ERBB4: variants seen among roughly 807,000 people sequenced by gnomAD.
ERBB4 encodes the protein receptor tyrosine-protein kinase erbB-4.
A neutral mutation model predicts 158.0 loss-of-function variants in ERBB4; 42 were observed. The observed-to-expected ratio is 0.27, with a 90% CI of 0.21 to 0.34. The LOEUF (loss-of-function observed/expected upper bound fraction) is 0.34. Ranked by LOEUF, ERBB4 falls within the 10% of genes least tolerant of loss-of-function variation. The probability of loss-of-function intolerance (pLI) is 1.00; values close to 1 mark genes in which losing one functional copy is unlikely to be tolerated. For synonymous variants in ERBB4, 583 were observed against 558.7 expected (o/e 1.04, Z -0.61); for missense variants, 1,333 against 1,624.1 (o/e 0.82, Z 3.08).
At chr2:211,798,756 G>A (rs2076436294) in intron 3 of ERBB4, among the ~76,000 whole-genome samples, 1 of 152,050 alleles carries the variant, frequency 6.6e-6, no homozygotes, top group South Asian at 2.1e-4. Flanking sequence ...AACAATTTTA[G>A]AGATAGATAT....
At chr2:211,655,729 A>G (rs1366392018) in intron 16 of ERBB4, among the ~76,000 whole-genome samples, 3 of 152,160 alleles carry the variant, frequency 2.0e-5, no homozygotes, top group African/African-American at 7.2e-5. Context: ...ACAATCTAAG[A>G]TGAACCCTGG....
intron 1 of ERBB4, among the ~76,000 whole-genome samples, chr2:212,225,087 G>T (rs983390731): frequency 2.6e-5 from 4 of 151,738 alleles, no homozygotes; most frequent in Non-Finnish European, 5.9e-5. Flanking sequence ...GTTTCTTTTA[G>T]AAGTTATATG....
intron 16 of ERBB4, among the ~76,000 whole-genome samples, chr2:211,644,129 G>A (rs1042965659): frequency 7.2e-5 from 11 of 151,920 alleles, no homozygotes; most frequent in South Asian, 2.1e-4. Context: ...GGGACTTGGC[G>A]AAAAGACAAA....
chr2:211,436,757 A>G (rs572525255), intron 20 of ERBB4, among the ~76,000 whole-genome samples: 2 of 152,334 alleles, frequency 1.3e-5, no homozygotes, highest in South Asian at 4.1e-4. Context: ...ATCATGATTA[A>G]TGTGTGAATA....
intron 1 of ERBB4, among the ~76,000 whole-genome samples, chr2:212,442,089 A>G (rs1465570689): frequency 6.6e-6 from 1 of 152,220 alleles, no homozygotes; most frequent in African/African-American, 2.4e-5. Flanking sequence ...CATAATGGAC[A>G]GCAGAGACAA....
At chr2:211,559,031 T>A (rs1463618531) in intron 20 of ERBB4, among the ~76,000 whole-genome samples, 2 of 152,162 alleles carry the variant, frequency 1.3e-5, no homozygotes, top group African/African-American at 4.8e-5. Flanking sequence ...TTTCATGTTC[T>A]ATAAACTTTT....
intron 20 of ERBB4, among the ~76,000 whole-genome samples, chr2:211,550,268 T>G (rs1425401065): frequency 5.3e-5 from 8 of 152,034 alleles, no homozygotes; most frequent in Non-Finnish European, 1.0e-4. Context: ...TCTGTACATT[T>G]ATTCATCATA....
At chr2:211,978,396 G>GTCTTTCTATCTATCTATCTATCTA (rs77259627) in intron 2 of ERBB4, among the ~76,000 whole-genome samples, 1,441 of 136,634 alleles carry the variant, frequency 0.011, 4 homozygotes, top group Non-Finnish European at 0.012. Flanking sequence ...CTGTCTGTCT[G>GTCTTTCTATCTATCTATCTATCTA]TCTATCTATC....
intron 1 of ERBB4, among the ~76,000 whole-genome samples, chr2:212,425,119 T>A (rs2091878395): frequency 6.6e-6 from 1 of 151,798 alleles, no homozygotes. Flanking sequence ...ATAAAATATT[T>A]GTAATACTAA....
At chr2:211,650,938 A>T (rs187166032) in intron 16 of ERBB4, among the ~76,000 whole-genome samples, 1 of 152,314 alleles carries the variant, frequency 6.6e-6, no homozygotes, top group Non-Finnish European at 1.5e-5. Context: ...AAAGTGCTTA[A>T]TGGCCATACG....
At chr2:212,056,745 A>G (rs181231067) in intron 2 of ERBB4, among the ~76,000 whole-genome samples, 1 of 152,328 alleles carries the variant, frequency 6.6e-6, no homozygotes, top group African/African-American at 2.4e-5. Context: ...TTTTGTCACC[A>G]CTAGGCCTGC....
chr2:212,058,494 G>C (rs2077653206), intron 2 of ERBB4, among the ~76,000 whole-genome samples: 1 of 152,074 alleles, frequency 6.6e-6, no homozygotes, highest in African/African-American at 2.4e-5. Flanking sequence ...CAAAAAAAGA[G>C]AATTTTAGAC....
intron 3 of ERBB4, among the ~76,000 whole-genome samples, chr2:211,914,021 C>A (rs2079614910): frequency 7.2e-6 from 1 of 138,842 alleles, no homozygotes; most frequent in Non-Finnish European, 1.5e-5. Context: ...AATTTGAGAG[C>A]TGAATGACAC....
At chr2:212,054,144 G>A (rs2077482050) in intron 2 of ERBB4, among the ~76,000 whole-genome samples, 1 of 152,126 alleles carries the variant, frequency 6.6e-6, no homozygotes, top group African/African-American at 2.4e-5. Flanking sequence ...GGTTTCCACT[G>A]TGCTATGTGG....
intron 3 of ERBB4, among the ~76,000 whole-genome samples, chr2:211,814,262 G>GA (rs1355721126): frequency 6.6e-6 from 1 of 152,042 alleles, no homozygotes; most frequent in Non-Finnish European, 1.5e-5. Flanking sequence ...TTCTTCATCA[G>GA]AAAAATGTGT....
At chr2:211,863,779 C>G (rs1575273937) in intron 3 of ERBB4, among the ~76,000 whole-genome samples, 1 of 152,138 alleles carries the variant, frequency 6.6e-6, no homozygotes, top group South Asian at 2.1e-4. Flanking sequence ...CAAGAACCCA[C>G]CGGAAGGAAA....
intron 1 of ERBB4, among the ~76,000 whole-genome samples, chr2:212,306,618 T>C (rs2086820195): frequency 6.6e-6 from 1 of 151,454 alleles, no homozygotes; most frequent in South Asian, 2.1e-4. Context: ...CCTTATTTTA[T>C]TCAATATTTA....
intron 3 of ERBB4, among the ~76,000 whole-genome samples, chr2:211,879,986 C>A (rs575502081): frequency 4.1e-4 from 62 of 149,572 alleles, no homozygotes; most frequent in African/African-American, 1.5e-3. Context: ...TATATATTAA[C>A]AAAAATAAAT....
At chr2:211,603,345 G>C (rs1490748370) in intron 19 of ERBB4, among the ~76,000 whole-genome samples, 1 of 152,046 alleles carries the variant, frequency 6.6e-6, no homozygotes, top group Non-Finnish European at 1.5e-5. Context: ...AAGAGAATTC[G>C]AGTCATACAC....
Sources: gnomAD v4.1 joint callset for allele counts (sites outside exome capture counted in the v4.1 genomes callset) on GRCh38, gnomAD v4.1.1 for gene constraint, MANE v1.5 for transcripts, NCBI Gene and HGNC (gene_info 2026-07-23, HGNC 2026-07-21) for gene names.